RFX8: variants seen among roughly 807,000 people sequenced by gnomAD.
RFX8 encodes the protein regulatory factor X8.
A neutral mutation model predicts 54.6 loss-of-function variants in RFX8; 46 were observed. That is an observed-to-expected ratio of 0.84 (90% CI 0.67 to 1.08). RFX8 has a LOEUF of 1.08. RFX8 is among the 50% of genes least tolerant of loss of function. The pLI is 0.00. For synonymous variants in RFX8, 192 were observed against 209.5 expected, an observed-to-expected ratio of 0.92 and a Z score of 0.72; for missense variants, 536 against 562.3, an observed-to-expected ratio of 0.95 and a Z score of 0.47.
At chr2:101,421,404 A>G (rs1686855426) in intron 4 of RFX8, 1 of 1,043,364 alleles carries the variant, frequency 9.6e-7, no homozygotes, top group East Asian at 7.5e-5. Flanking sequence ...TGAAAATTCC[A>G]GGGTGAATTT....
intron 2 of RFX8, among the ~76,000 whole-genome samples, chr2:101,423,034 G>A (rs982090493): frequency 6.6e-6 from 1 of 152,148 alleles, no homozygotes; most frequent in African/African-American, 2.4e-5. Context: ...GAGGCGGGTG[G>A]ATCACTTGAA....
chr2:101,436,583 A>G (rs1478404667), intron 2 of RFX8, among the ~76,000 whole-genome samples: 1 of 151,416 alleles, frequency 6.6e-6, no homozygotes, highest in Non-Finnish European at 1.5e-5. Context: ...TCACTCCTCA[A>G]TTGCTGCACA....
chr2:101,421,807 A>G, intron 3 of RFX8, 30 bp from the exon 4 acceptor site: 1 of 1,497,322 alleles, frequency 6.7e-7, no homozygotes, highest in South Asian at 1.2e-5. Context: ...TTATTTCAGC[A>G]TGTGGGCCTT....
chr2:101,408,495 C>CA (rs552116470), intron 9 of RFX8, among the ~76,000 whole-genome samples: 1,814 of 145,636 alleles, frequency 0.012, 49 homozygotes, highest in African/African-American at 0.043. Flanking sequence ...AAAAAAAAAA[C>CA]AAAAAAAACG....
chr2:101,419,705 G>A (rs938010180), intron 4 of RFX8, among the ~76,000 whole-genome samples: 2 of 152,214 alleles, frequency 1.3e-5, no homozygotes, highest in African/African-American at 4.8e-5. Context: ...CAGACAAGGC[G>A]CTGGCCCCAT....
chr2:101,400,907 G>A (rs1463857007), intron 11 of RFX8, among the ~76,000 whole-genome samples: 2 of 152,106 alleles, frequency 1.3e-5, no homozygotes, highest in East Asian at 3.9e-4. Flanking sequence ...GTATAGCCTA[G>A]CCAAGCCATC....
intron 2 of RFX8, among the ~76,000 whole-genome samples, chr2:101,456,454 G>C (rs1239285083): frequency 6.6e-6 from 1 of 152,174 alleles, no homozygotes; most frequent in Non-Finnish European, 1.5e-5. Flanking sequence ...GGCCTTTTCT[G>C]CATCTATTGA....
At chr2:101,400,765 T>C (rs979808281) in intron 11 of RFX8, among the ~76,000 whole-genome samples, 5 of 152,216 alleles carry the variant, frequency 3.3e-5, no homozygotes, top group Non-Finnish European at 7.3e-5. Context: ...AGCTGAACAC[T>C]GCAGCCCAGC....
rs12614678 is a variant in RFX8, at chr2:101,463,607, G to A, written c.72+3170C>T. On this transcript the variant is annotated intron_variant, in intron 2 of 11. Transcript: ENST00000428343. ...AGACAGCCTGCCGGGCAGGCAGCAC[G>A]TGACCACTGAAAAGGGTGTTTCACC... Among the ~76,000 whole-genome samples, 45 of 152,348 alleles carry A rather than the reference G, an allele frequency of 3.0e-4. No homozygotes were observed. In the East Asian group the frequency reaches 6.2e-3, roughly 21 times the overall value.
rs113446408 is a variant in RFX8, at chr2:101,440,194, TC to T, written c.73-17723del. Among the ~76,000 whole-genome samples the T allele has an allele frequency of 8.6e-3, 1,306 of 152,144 alleles. 18 individuals carry two copies. Among genetic ancestry groups the T allele is most frequent in the African/African-American group, 0.03 (1,244 of 41,502 alleles). On this transcript the variant is annotated intron_variant, in intron 2 of 11. Coordinates refer to ENST00000428343, the MANE Select transcript of RFX8 (RefSeq NM_001145664.2). Reference sequence around the variant, plus strand: ...AAGTCAATGTTTTTTTTAAAGCATATCCACAGGGTTATGCAGCTGTGCAGAA... The same window carrying T: ...AAGTCAATGTTTTTTTTAAAGCATATCACAGGGTTATGCAGCTGTGCAGAA...
chr2:101,445,394 A>ATTGTTCC (rs1249202392), intron 2 of RFX8, among the ~76,000 whole-genome samples: 7 of 151,308 alleles, frequency 4.6e-5, no homozygotes, highest in Non-Finnish European at 8.8e-5. Context: ...ACATCTCGCG[A>ATTGTTCC]TTGTTCCTTT....
At chr2:101,472,905 C>T (rs1690089560) in intron 1 of RFX8, among the ~76,000 whole-genome samples, 1 of 151,924 alleles carries the variant, frequency 6.6e-6, no homozygotes, top group Admixed American at 6.6e-5. Context: ...GTAATCCCAG[C>T]TACTACGGAA....
At chr2:101,402,123 C>T (rs1037683242) in intron 11 of RFX8, among the ~76,000 whole-genome samples, 2 of 152,340 alleles carry the variant, frequency 1.3e-5, no homozygotes, top group South Asian at 2.1e-4. Context: ...GCCACTCAGA[C>T]GTTAGTGGTG....
intron 2 of RFX8, among the ~76,000 whole-genome samples, chr2:101,437,762 G>GT (rs59824135): frequency 0.76 from 114,927 of 151,894 alleles, 44,438 homozygotes; most frequent in Middle Eastern, 0.88. Context: ...ACACTCTGCT[G>GT]ATCTTAAATT....
At chr2:101,449,470 G>A (rs529053230) in intron 2 of RFX8, among the ~76,000 whole-genome samples, 1 of 152,308 alleles carries the variant, frequency 6.6e-6, no homozygotes, top group South Asian at 2.1e-4. Context: ...AACTTAAAGA[G>A]AAAAGTTAAC....
chr2:101,409,375 A>G (rs1212954134), intron 9 of RFX8, among the ~76,000 whole-genome samples: 3 of 151,990 alleles, frequency 2.0e-5, no homozygotes, highest in Admixed American at 2.0e-4. Flanking sequence ...GGCGCATGAC[A>G]TCACGCCCAG....
At chr2:101,450,119 T>C (rs1225041538) in intron 2 of RFX8, among the ~76,000 whole-genome samples, 4 of 152,176 alleles carry the variant, frequency 2.6e-5, no homozygotes, top group Non-Finnish European at 5.9e-5. Context: ...TAAATGTTGA[T>C]GTGATATGTG....
intron 11 of RFX8, 34 bp downstream of exon 11, chr2:101,402,402 A>G: frequency 2.7e-6 from 4 of 1,489,912 alleles, no homozygotes; most frequent in Non-Finnish European, 3.6e-6. Flanking sequence ...TCCCCTTGAA[A>G]CAGCTGTGTG....
intron 2 of RFX8, among the ~76,000 whole-genome samples, chr2:101,453,029 C>T (rs1168079502): frequency 2.7e-5 from 2 of 72,752 alleles, no homozygotes; most frequent in Non-Finnish European, 6.0e-5. Context: ...ACTAGGGAGG[C>T]TGAACCTGGG....
Sources: gnomAD v4.1 joint callset for allele counts (sites outside exome capture counted in the v4.1 genomes callset) on GRCh38, gnomAD v4.1.1 for gene constraint, MANE v1.5 for transcripts, NCBI Gene and HGNC (gene_info 2026-07-23, HGNC 2026-07-21) for gene names.